Variants in FHIT observed in about 807,000 individuals in gnomAD.
FHIT encodes the protein bis(5'-adenosyl)-triphosphatase.
Under a neutral mutation model 17.9 loss-of-function variants are expected in FHIT, and 19 were observed. The ratio of observed to expected loss-of-function variants is 1.06; its 90% confidence interval spans 0.74 to 1.56. The LOEUF (loss-of-function observed/expected upper bound fraction) is 1.56. FHIT is among the 40% of genes most tolerant of loss of function. The probability of loss-of-function intolerance (pLI) is 0.00; values close to 1 mark genes in which losing one functional copy is unlikely to be tolerated. For synonymous variants in FHIT, 81 were observed against 69.7 expected, an observed-to-expected ratio of 1.16 and a Z score of -0.81; for missense variants, 248 against 189.2, an observed-to-expected ratio of 1.31 and a Z score of -1.82.
chr3:60,032,650 G>A (rs1002696086), intron 5 of FHIT, among the ~76,000 whole-genome samples: 22 of 152,196 alleles, frequency 1.4e-4, no homozygotes, highest in Admixed American at 1.4e-3. Context: ...TCTAAGAGCA[G>A]GACATCCAGA....
At chr3:59,919,800 A>G (rs1705315566) in intron 8 of FHIT, among the ~76,000 whole-genome samples, 1 of 152,196 alleles carries the variant, frequency 6.6e-6, no homozygotes, top group Non-Finnish European at 1.5e-5. Context: ...AAGTGCTCCC[A>G]TCAATATAAA....
intron 4 of FHIT, among the ~76,000 whole-genome samples, chr3:60,593,396 C>A (rs1553665094): frequency 6.6e-6 from 1 of 152,098 alleles, no homozygotes; most frequent in Non-Finnish European, 1.5e-5. Flanking sequence ...TTTACACTTG[C>A]ATGCATATCA....
chr3:60,075,081 A>T (rs1343711958), intron 5 of FHIT, among the ~76,000 whole-genome samples: 2 of 152,130 alleles, frequency 1.3e-5, no homozygotes, highest in Admixed American at 1.3e-4. Context: ...AATGACAAAA[A>T]CCTTAATAAG....
intron 5 of FHIT, among the ~76,000 whole-genome samples, chr3:60,479,575 T>C (rs2033510903): frequency 6.6e-6 from 1 of 152,190 alleles, no homozygotes; most frequent in Non-Finnish European, 1.5e-5. Flanking sequence ...TATAAAAGTA[T>C]TGCATATTAG....
chr3:59,925,168 A>G (rs1705595394), intron 7 of FHIT, among the ~76,000 whole-genome samples: 1 of 151,614 alleles, frequency 6.6e-6, no homozygotes, highest in African/African-American at 2.4e-5. Context: ...CAGTGATACA[A>G]TCATAGCTCA....
At chr3:60,225,002 T>A (rs752942707) in intron 5 of FHIT, among the ~76,000 whole-genome samples, 1 of 152,138 alleles carries the variant, frequency 6.6e-6, no homozygotes, top group Non-Finnish European at 1.5e-5. Context: ...ATTACAGGAA[T>A]GAGCCACCAC....
chr3:60,991,126 C>G (rs1028629717), intron 3 of FHIT, among the ~76,000 whole-genome samples: 3 of 152,154 alleles, frequency 2.0e-5, no homozygotes, highest in Non-Finnish European at 4.4e-5. Context: ...GAGAGGGACT[C>G]TCTAGGAAGG....
At chr3:60,163,952 C>T (rs971561430) in intron 5 of FHIT, among the ~76,000 whole-genome samples, 3 of 152,146 alleles carry the variant, frequency 2.0e-5, no homozygotes, top group South Asian at 4.1e-4. Flanking sequence ...ATCTCCTCCA[C>T]GTGAAAATGA....
At position 60,592,803 on chromosome 3, in the gene FHIT, G is replaced by A. The variant is rs183637836; in HGVS notation, c.-17-55824C>T. Among the ~76,000 whole-genome samples, 6 of 152,280 alleles carry A rather than the reference G, an allele frequency of 3.9e-5. No homozygotes were observed. The East Asian group carries it at 1.2e-3, about 29-fold the overall frequency. On this transcript the variant is annotated intron_variant, in intron 4 of 9. Transcript: ENST00000492590. ...GATTATTCAAGAAAGGTAAGCGTCA[G>A]AGGTAGTAGGAAAGTAGCCTGAGTC... is the stretch of plus-strand genomic sequence containing the variant.
chr3:60,983,136 TGTG>T (rs1331183795), intron 3 of FHIT, among the ~76,000 whole-genome samples: 28 of 37,434 alleles, frequency 7.5e-4, no homozygotes, highest in African/African-American at 2.2e-3. Context: ...CCTTCTCTCT[TGTG>T]TGTGTGTGTG....
At chr3:60,905,729 T>C (rs577407864) in intron 3 of FHIT, among the ~76,000 whole-genome samples, 46 of 152,292 alleles carry the variant, frequency 3.0e-4, no homozygotes, top group South Asian at 6.2e-4. Context: ...TGAAAGAGTA[T>C]ACATAGCATG....
At chr3:60,415,589 C>T (rs1049922997) in intron 5 of FHIT, among the ~76,000 whole-genome samples, 3 of 152,080 alleles carry the variant, frequency 2.0e-5, no homozygotes, top group Non-Finnish European at 4.4e-5. Context: ...AGGTGCTGGA[C>T]AACCAAGTAT....
intron 4 of FHIT, among the ~76,000 whole-genome samples, chr3:60,669,962 T>C (rs1553693427): frequency 1.3e-5 from 2 of 152,250 alleles, no homozygotes; most frequent in Non-Finnish European, 1.5e-5. Flanking sequence ...TTAAGATTCC[T>C]AGTCACTTGT....
chr3:59,925,994 A>G (rs778519641), intron 7 of FHIT, among the ~76,000 whole-genome samples: 1 of 152,256 alleles, frequency 6.6e-6, no homozygotes, highest in Non-Finnish European at 1.5e-5. Context: ...GGTGATCACA[A>G]CTTACTTTTC....
chr3:60,163,054 C>T lies in FHIT; in HGVS notation c.104-148902G>A, dbSNP rs114600743. Among the ~76,000 whole-genome samples, 66 of 152,236 alleles carry T rather than the reference C, an allele frequency of 4.3e-4. 2 individuals are homozygous for T. Among genetic ancestry groups the T allele is most frequent in the South Asian group, 2.1e-3 (10 of 4,822 alleles). On this transcript the variant is annotated intron_variant, in intron 5 of 9. Coordinates refer to ENST00000492590, the MANE Select transcript of FHIT (RefSeq NM_002012.4). ...ACAGAGCTCTTGGTTTTGGATAAGA[C>T]GACTTTAGCCTAGGCTGGACTGAAG...
At chr3:60,107,825 A>G (rs1449771341) in intron 5 of FHIT, among the ~76,000 whole-genome samples, 1 of 152,244 alleles carries the variant, frequency 6.6e-6, no homozygotes, top group Non-Finnish European at 1.5e-5. Flanking sequence ...AATATTAAAA[A>G]CAGGCAGCAG....
chr3:60,691,360 A>AT (rs1255671766), intron 4 of FHIT, among the ~76,000 whole-genome samples: 1 of 145,388 alleles, frequency 6.9e-6, no homozygotes. Context: ...TCCCCTCTTG[A>AT]TTTTTTCTTT....
intron 5 of FHIT, among the ~76,000 whole-genome samples, chr3:60,259,964 G>C (rs1706208900): frequency 6.6e-6 from 1 of 152,026 alleles, no homozygotes; most frequent in Admixed American, 6.6e-5. Flanking sequence ...GGATACCCCT[G>C]TACCACTGGG....
chr3:61,125,151 G>A (rs555883795), intron 2 of FHIT, among the ~76,000 whole-genome samples: 3 of 152,276 alleles, frequency 2.0e-5, no homozygotes, highest in Non-Finnish European at 1.5e-5. Flanking sequence ...CGGAAGAATG[G>A]TTTACACGCA....
Sources: gnomAD v4.1 joint callset for allele counts (sites outside exome capture counted in the v4.1 genomes callset) on GRCh38, gnomAD v4.1.1 for gene constraint, MANE v1.5 for transcripts, NCBI Gene and HGNC (gene_info 2026-07-23, HGNC 2026-07-21) for gene names.